Variants in MR1 observed in about 807,000 individuals in gnomAD.
MR1 encodes the protein major histocompatibility complex, class I-related.
MR1 carries 44 observed loss-of-function variants against 37.8 expected under a neutral mutation model. The observed-to-expected ratio is 1.16, with a 90% CI of 0.91 to 1.50. The LOEUF is 1.50. Among genes scored for constraint, MR1 ranks in the 40% most tolerant of loss-of-function variants. The pLI, the probability that MR1 is intolerant of heterozygous loss-of-function variation, is 0.00. For missense variants in MR1, 386 were observed against 419.1 expected (o/e 0.92, Z 0.69); for synonymous variants, 153 against 155.8 (o/e 0.98, Z 0.13).
At chr1:181,034,175 A>G in intron 1 of MR1, 101 bp downstream of exon 1, 3 of 1,133,568 alleles carry the variant, frequency 2.6e-6, no homozygotes, top group Non-Finnish European at 3.8e-6. Context: ...TATAGAAGCC[A>G]GGGGCAGAAA....
rs1212754482 is a variant in MR1 at position 181,057,151 on chromosome 1, C to A, written c.*1886C>A. 1 of 152,460 alleles carries A rather than the reference C, an allele frequency of 6.6e-6. No homozygotes were observed. Among genetic ancestry groups the A allele is most frequent in the African/African-American group, 2.4e-5 (1 of 41,424 alleles). The allele number at this position is 152,460 out of a possible 1,614,324, so 9.4% of individuals were successfully genotyped here. On this transcript the variant is annotated 3_prime_UTR_variant, in exon 6 of 6. Transcript: ENST00000367580. ...AAAAAAGAAAGATACCCTCAGTGTG[C>A]CAGGCCTCTAAGAGCTCACCTGCCA...
intron 4 of MR1, 126 bp downstream of exon 4, chr1:181,052,636 T>A: frequency 9.5e-7 from 1 of 1,053,474 alleles, no homozygotes; most frequent in East Asian, 2.6e-5. Context: ...AGAATGGGTC[T>A]TTTAAATAAG....
chr1:181,043,068 G>T lies in MR1; in HGVS notation c.68-5984G>T, dbSNP rs535976929. Among the ~76,000 whole-genome samples, 3 of 152,308 alleles carry T rather than the reference G, an allele frequency of 2.0e-5. No homozygotes were observed. The East Asian group carries it at 5.8e-4, about 29-fold the overall frequency. ...AGAAGGCAGAATCTGGTAGCTATTG[G>T]TTTTACGACAGAACTCATGCTCTGA... On this transcript the variant is annotated intron_variant, in intron 1 of 5. Coordinates refer to ENST00000367580, the MANE Select transcript of MR1 (RefSeq NM_001385161.1).
At chr1:181,048,937 G>A (rs58860674) in intron 1 of MR1, 115 bp from the exon 2 acceptor site, 33 of 1,344,202 alleles carry the variant, frequency 2.5e-5, no homozygotes, top group African/African-American at 2.2e-4. Context: ...CAGCTGGGGC[G>A]TGGAGGCCTG....
At chr1:181,054,081 C>T (rs1035045643) in intron 5 of MR1, among the ~76,000 whole-genome samples, 2 of 152,200 alleles carry the variant, frequency 1.3e-5, no homozygotes, top group Admixed American at 6.5e-5. Context: ...ACCATTCTTT[C>T]ATCCCAAGCA....
rs1456096956 is a variant in MR1 at position 181,055,344 on chromosome 1, C to T, written c.*79C>T. 2.2e-6 allele frequency: 3 copies of T among 1,343,440 alleles called. No homozygotes were observed. Among genetic ancestry groups the T allele is most frequent in the Non-Finnish European group, 2.1e-6 (2 of 939,852 alleles). 83.2% of individuals were successfully genotyped at this position (1,343,440 alleles called of 1,614,324 possible). On this transcript the variant is annotated 3_prime_UTR_variant, in exon 6 of 6. Transcript: ENST00000367580. ...GTCCCCCATAGAGTCAAGCCTAGTG[C>T]TTGAAGGTCCTGACGACACCCACAA... is the stretch of plus-strand genomic sequence containing the variant.
In MR1 at chr1:181,058,292, C is replaced by T. The variant is rs1188550217; in HGVS notation, c.*3027C>T. The T allele has an allele frequency of 2.0e-5, 3 of 151,352 alleles. No individual in the cohort carries two copies. Among genetic ancestry groups the T allele is most frequent in the Admixed American group, 2.0e-4 (3 of 15,222 alleles). The allele number at this position is 151,352 out of a possible 1,614,324, so 9.4% of individuals were successfully genotyped here. A position where few individuals can be genotyped will look rare whatever the true frequency, so the allele number is the denominator to read the frequency against. On this transcript the variant is annotated 3_prime_UTR_variant, in exon 6 of 6. Coordinates refer to ENST00000367580, the MANE Select transcript of MR1 (RefSeq NM_001385161.1). ...TGGATCAAGAACACTAGATGAGAAA[C>T]CTGTTCAACTCTGTTCTTTTTTTTT... is the stretch of plus-strand genomic sequence containing the variant.
At chr1:181,053,539 A>C in intron 4 of MR1, 34 bp from the exon 5 acceptor site, 2 of 1,492,676 alleles carry the variant, frequency 1.3e-6, no homozygotes, top group Non-Finnish European at 1.9e-6. Flanking sequence ...GGGAAAGGGG[A>C]CTTGTGGATT....
At chr1:181,049,938 C>A in intron 2 of MR1, 73 bp from the exon 3 acceptor site, 2 of 1,524,112 alleles carry the variant, frequency 1.3e-6, no homozygotes, top group Non-Finnish European at 8.9e-7. Context: ...TCCAGCCATG[C>A]CCCTGCTCCC....
At chr1:181,053,957 A>G (rs1201674356) in intron 5 of MR1, among the ~76,000 whole-genome samples, 4 of 152,220 alleles carry the variant, frequency 2.6e-5, no homozygotes, top group African/African-American at 9.6e-5. Context: ...GTCAGAGAAG[A>G]TATGGGGATC....
At chr1:181,035,430 A>G (rs1394932201) in intron 1 of MR1, among the ~76,000 whole-genome samples, 1 of 152,186 alleles carries the variant, frequency 6.6e-6, no homozygotes, top group African/African-American at 2.4e-5. Context: ...GAACAAGACA[A>G]ACATAGTCTC....
chr1:181,055,159 C>A, intron 5 of MR1, 66 bp from the exon 6 acceptor site: 1 of 1,485,724 alleles, frequency 6.7e-7, no homozygotes, highest in East Asian at 2.3e-5. Context: ...CTGAACACTG[C>A]ATACTTTATT....
intron 5 of MR1, 112 bp from the exon 6 acceptor site, chr1:181,055,113 A>T (rs2102406276): frequency 1.1e-6 from 1 of 929,826 alleles, no homozygotes. Flanking sequence ...TTGACAAAGC[A>T]AGCTAAAACT....
At chr1:181,045,991 T>C (rs1363905068) in intron 1 of MR1, among the ~76,000 whole-genome samples, 4 of 152,036 alleles carry the variant, frequency 2.6e-5, no homozygotes, top group African/African-American at 9.6e-5. Flanking sequence ...CTGCGGAGGG[T>C]GTACTGGGTC....
intron 1 of MR1, among the ~76,000 whole-genome samples, chr1:181,044,994 A>AT (rs1346275413): frequency 1.3e-5 from 2 of 152,280 alleles, no homozygotes; most frequent in African/African-American, 2.4e-5. Context: ...ACAGTGTGAG[A>AT]TTTTTTAATT....
intron 1 of MR1, among the ~76,000 whole-genome samples, chr1:181,039,693 C>T (rs1405970063): frequency 1.3e-5 from 2 of 151,950 alleles, no homozygotes; most frequent in African/African-American, 4.8e-5. Context: ...TGGTGAAACC[C>T]TGTCTCTACT....
At chr1:181,052,621 G>T in intron 4 of MR1, 111 bp downstream of exon 4, 2 of 1,172,228 alleles carry the variant, frequency 1.7e-6, no homozygotes, top group Non-Finnish European at 2.4e-6. Context: ...CACTCAGTGT[G>T]CCTTAGAATG....
intron 1 of MR1, among the ~76,000 whole-genome samples, chr1:181,038,386 C>T (rs1312413347): frequency 6.6e-6 from 1 of 152,224 alleles, no homozygotes; most frequent in Non-Finnish European, 1.5e-5. Flanking sequence ...TTGCCACCTA[C>T]TTCTCCCCTC....
chr1:181,053,785 C>T, intron 5 of MR1, 108 bp downstream of exon 5: 4 of 809,530 alleles, frequency 4.9e-6, no homozygotes, highest in Non-Finnish European at 8.2e-6. Flanking sequence ...TGGCTTGGCT[C>T]TCAGGCTGGG....
Sources: allele counts gnomAD v4.1 joint callset (sites outside exome capture counted in the v4.1 genomes callset), GRCh38; gene constraint gnomAD v4.1.1; transcripts MANE v1.5; gene names NCBI Gene and HGNC (gene_info 2026-07-23, HGNC 2026-07-21).